The following KCNH4 variants were observed in gnomAD, a reference collection of about 807,000 sequenced individuals.
KCNH4 encodes voltage-gated delayed rectifier potassium channel KCNH4.
Under a neutral mutation model 90.7 loss-of-function variants are expected in KCNH4, and 33 were observed. That is an observed-to-expected ratio of 0.36 (90% CI 0.28 to 0.49). The LOEUF is 0.49. Ranked by LOEUF, KCNH4 falls within the 20% of genes least tolerant of loss-of-function variation. The pLI is 0.98. For synonymous variants in KCNH4, 551 were observed against 581.7 expected, an observed-to-expected ratio of 0.95 and a Z score of 0.76; for missense variants, 1,044 against 1,387.1, an observed-to-expected ratio of 0.75 and a Z score of 3.93.
At chr17:42,166,579 C>T in intron 9 of KCNH4, 33 bp from the exon 10 acceptor site, 1 of 1,585,206 alleles carries the variant, frequency 6.3e-7, no homozygotes, top group Non-Finnish European at 8.6e-7. Flanking sequence ...TCTGGCCATC[C>T]CCCTGCAGCT....
At position 42,171,951 on chromosome 17, in the gene KCNH4, C is replaced by T; in HGVS notation, c.1032G>A (p.Leu344=). The T allele has an allele frequency of 6.2e-7, 1 of 1,608,800 alleles. No homozygotes were observed. The highest frequency in any genetic ancestry group is 1.1e-5 in the South Asian group (1 of 90,704). ...HLLKTVRLLR[L]LRLLQKLERY... The stretch of plus-strand genomic sequence containing the variant: ...GCTCCAGCTTCTGCAGCAGCCGCAG[C>T]AGCCGCAACAGCCGCACTGTCTTCA... The change falls in exon 7 of 17, where the codon CTG becomes CTA. Residue 344 remains leucine (L), a synonymous_variant. Transcript: ENST00000264661.
In KCNH4 at chr17:42,163,599, G is replaced by A. The variant is rs748957727; in HGVS notation, c.2477+7C>T. On this transcript the variant is annotated splice_region_variant and intron_variant, in intron 13 of 16. Transcript: ENST00000264661. The surrounding 1 kb of genome is among the most constrained non-coding windows in gnomAD (Gnocchi z 5.4). Reference sequence around the variant, plus strand: ...TTTTGGGAAAGCAGGGGAGGCTGGCGTCTCACCGGGGACTGAGGTCCGGAG... The same window carrying A: ...TTTTGGGAAAGCAGGGGAGGCTGGCATCTCACCGGGGACTGAGGTCCGGAG... The A allele has an allele frequency of 2.7e-5, 35 of 1,310,106 alleles. No individual in the cohort carries two copies. The highest frequency in any genetic ancestry group is 3.7e-5 in the Non-Finnish European group (35 of 948,296). 81.2% of individuals were successfully genotyped at this position (1,310,106 alleles called of 1,614,324 possible). A position where few individuals can be genotyped will look rare whatever the true frequency, so the allele number is the denominator to read the frequency against.
Position 42,166,396 on chromosome 17 carries a change from C to T in KCNH4, c.1741G>A (p.Glu581Lys), listed in dbSNP as rs2079788062. The T allele has an allele frequency of 2.5e-6, 4 of 1,613,860 alleles. No individual in the cohort carries two copies. The highest frequency in any genetic ancestry group is 1.7e-5 in the Admixed American group (1 of 59,968). The change falls in exon 10 of 17, where the codon GAG becomes AAG. Residue 581 changes from glutamate to lysine, a missense_variant. By Grantham distance (56) the Glu-to-Lys change is moderately conservative (BLOSUM62 1). Coordinates refer to ENST00000264661, the MANE Select transcript of KCNH4 (RefSeq NM_012285.3). ...GCATCCCCACGGCGCAACAGGTACTCGCCCGGAGCGCAGAACGAGGTCTTG... is the reference window on the plus strand; with the variant it reads ...GCATCCCCACGGCGCAACAGGTACTTGCCCGGAGCGCAGAACGAGGTCTTG... ...HIKTSFCAPGEYLLRRGDALQ... is the reference protein window; with the variant it reads ...HIKTSFCAPGKYLLRRGDALQ...
chr17:42,175,498 G>C, intron 6 of KCNH4, 81 bp downstream of exon 6: 1 of 1,481,988 alleles, frequency 6.7e-7, no homozygotes, highest in South Asian at 1.1e-5. Context: ...GGCATATCTG[G>C]GTTTGGGGTC....
At chr17:42,179,103 G>A (rs2079884484) in intron 1 of KCNH4, 77 bp from the exon 2 acceptor site, 2 of 1,060,530 alleles carry the variant, frequency 1.9e-6, no homozygotes, top group Non-Finnish European at 2.8e-6. Flanking sequence ...CTTCCTCTAA[G>A]TTGGGGTTAG....
Position 42,163,838 on chromosome 17 carries a change from G to T in KCNH4, c.2245C>A (p.Leu749Ile), listed in dbSNP as rs2079766920. The T allele has an allele frequency of 4.6e-6, 7 of 1,513,936 alleles. No individual in the cohort carries two copies. In the East Asian group the frequency reaches 1.7e-4, roughly 37 times the overall value. 93.8% of individuals were successfully genotyped at this position (1,513,936 alleles called of 1,614,324 possible). Residue 749 changes from leucine (L) to isoleucine (I), a missense_variant, in exon 13 of 17, where the codon CTC (leucine) becomes ATC (isoleucine). By Grantham distance (5) the Leu-to-Ile change is conservative. Coordinates refer to ENST00000264661, the MANE Select transcript of KCNH4 (RefSeq NM_012285.3). The surrounding 1 kb of genome is among the most constrained non-coding windows in gnomAD (Gnocchi z 5.4). The stretch of plus-strand genomic sequence containing the variant: ...GAGCCCCGAGGCCGTGCTGGGCTGA[G>T]GTTGGGCAGCAGGAGGGGCCGTCGG... ...RPRRPLLLPN[L>I]SPARPRGSLV...
chr17:42,159,990 G>C lies in KCNH4; in HGVS notation c.*50C>G, dbSNP rs772142281. 1 of 1,429,486 alleles carries C rather than the reference G, an allele frequency of 7.0e-7. No individual in the cohort carries two copies. Among genetic ancestry groups the C allele is most frequent in the Non-Finnish European group, 9.3e-7 (1 of 1,077,878 alleles). 88.6% of individuals were successfully genotyped at this position (1,429,486 alleles called of 1,614,324 possible). On this transcript the variant is annotated 3_prime_UTR_variant, in exon 16 of 17. Transcript: ENST00000264661. ...GCCAAGGGGCCCAGGTCCTCCCTGAGTGGTGAGCGGCAGCGCCCACCCCAG... is the reference window on the plus strand; with the variant it reads ...GCCAAGGGGCCCAGGTCCTCCCTGACTGGTGAGCGGCAGCGCCCACCCCAG...
At chr17:42,174,147 G>A (rs930569570) in intron 6 of KCNH4, among the ~76,000 whole-genome samples, 1 of 152,140 alleles carries the variant, frequency 6.6e-6, no homozygotes, top group East Asian at 1.9e-4. Flanking sequence ...TAGTAGAGAA[G>A]GGGTTTCACC....
rs189647534 is a variant in KCNH4 at position 42,162,658 on chromosome 17, T to G, written c.2585-337A>C. Among the ~76,000 whole-genome samples the G allele has an allele frequency of 3.8e-3, 580 of 152,104 alleles. 2 individuals are homozygous for G. Among genetic ancestry groups the G allele is most frequent in the Non-Finnish European group, 6.9e-3 (470 of 67,972 alleles). ...CCCAGGGTGGAGTGCAGTGGTGTGC[T>G]CTCAGCTCACTGCAACCTCTGTCTC... On this transcript the variant is annotated intron_variant, in intron 14 of 16. Coordinates refer to ENST00000264661, the MANE Select transcript of KCNH4 (RefSeq NM_012285.3).
intron 4 of KCNH4, among the ~76,000 whole-genome samples, chr17:42,177,367 T>TC (rs1253652286): frequency 6.7e-6 from 1 of 150,234 alleles, no homozygotes; most frequent in Admixed American, 6.6e-5. Flanking sequence ...ATTTTTAATT[T>TC]TTTTTTTTTT....
At position 42,163,293 on chromosome 17, in the gene KCNH4, G is replaced by C; in HGVS notation, c.2519C>G (p.Ala840Gly). The change falls in exon 14 of 17, where the codon GCC (alanine) becomes GGC (glycine). Residue 840 changes from alanine (A) to glycine (G), a missense_variant. Around this residue, in one of 4 missense-constraint regions of KCNH4, gnomAD observed 441 missense variants for 512.3 expected, o/e 0.86. Transcript: ENST00000264661. This position sits in a 1 kb window ranked among gnomAD's most constrained non-coding sequence, Gnocchi z 5.4. ...GIEDSGSTAEAPSFRFSRRPE... is the reference protein window; with the variant it reads ...GIEDSGSTAEGPSFRFSRRPE... ...CCTCCTGCTGAATCGGAATGAAGGGGCCTCAGCTGTGCTGCCAGAGTCCTC... is the reference window on the plus strand; with the variant it reads ...CCTCCTGCTGAATCGGAATGAAGGGCCCTCAGCTGTGCTGCCAGAGTCCTC... 1 of 1,614,086 alleles carries C rather than the reference G, an allele frequency of 6.2e-7. No homozygotes were observed. Among genetic ancestry groups the C allele is most frequent in the Non-Finnish European group, 8.5e-7 (1 of 1,180,004 alleles).
At chr17:42,176,467 T>G (rs567696132) in intron 4 of KCNH4, among the ~76,000 whole-genome samples, 170 bp from the exon 5 acceptor site, 19 of 148,396 alleles carry the variant, frequency 1.3e-4, no homozygotes, top group Non-Finnish European at 2.7e-4. Context: ...GGCTGACACC[T>G]GACATTTTCT....
intron 9 of KCNH4, 104 bp downstream of exon 9, chr17:42,169,373 T>A: frequency 9.0e-7 from 1 of 1,105,078 alleles, no homozygotes; most frequent in Non-Finnish European, 1.3e-6. Context: ...AGCAGCCGAG[T>A]TCGGCCTGCC....
Position 42,160,429 on chromosome 17 carries a change from G to C in KCNH4, c.2665C>G (p.Arg889Gly). Residue 889 changes from arginine (R) to glycine (G), a missense_variant, in exon 16 of 17, where the codon CGT (arginine) becomes GGT (glycine). Around this residue, in one of 4 missense-constraint regions of KCNH4, gnomAD observed 441 missense variants for 512.3 expected, o/e 0.86. Transcript: ENST00000264661. ...AGCTGAGACACCTCCTGATTGAGAC[G>C]AGAGATCTGTTGAAAACACATCGAG... is the stretch of plus-strand genomic sequence containing the variant. Reference protein sequence around the residue: ...KVCRLNQEISRLNQEVSQLSR... With the variant: ...KVCRLNQEISGLNQEVSQLSR... The C allele has an allele frequency of 6.3e-7, 1 of 1,597,434 alleles. No individual in the cohort carries two copies.
intron 15 of KCNH4, 65 bp from the exon 16 acceptor site, chr17:42,160,500 C>A: frequency 6.7e-7 from 1 of 1,492,958 alleles, no homozygotes; most frequent in Non-Finnish European, 9.0e-7. Context: ...CCCCCCTCTC[C>A]AGTTTACAAA....
chr17:42,163,250 G>T lies in KCNH4; in HGVS notation c.2562C>A (p.Pro854=). The change falls in exon 14 of 17, where the codon CCC becomes CCA. Residue 854 remains proline (P), a synonymous_variant. Transcript: ENST00000264661. The surrounding 1 kb of genome is among the most constrained non-coding windows in gnomAD (Gnocchi z 5.4). ...TACCTGTAGGGGGCGCCTGGGAGCG[G>T]GGCCTTGGCAGTTCAGGCCTCCTGC... ...RFSRRPELPR[P]RSQAPPTGTR... 3.7e-6 allele frequency: 6 copies of T among 1,613,958 alleles called. No individual in the cohort carries two copies. Among genetic ancestry groups the T allele is most frequent in the Non-Finnish European group, 5.1e-6 (6 of 1,179,876 alleles).
Position 42,166,157 on chromosome 17 carries a change from G to A in KCNH4, c.1840+140C>T, listed in dbSNP as rs560219349. 330 of 1,081,016 alleles carry A rather than the reference G, an allele frequency of 3.1e-4. 3 individuals are homozygous for A. In the South Asian group the frequency reaches 4.8e-3, roughly 16 times the overall value. 67.0% of individuals were successfully genotyped at this position (1,081,016 alleles called of 1,614,324 possible). On this transcript the variant is annotated intron_variant, in intron 10 of 16. Transcript: ENST00000264661. ...GCGATGGTCGTAGGGCGGAGGGACC[G>A]AGAGAGTACTCCTCAGCAGGAACTG... is the stretch of plus-strand genomic sequence containing the variant.
rs996683637 is a variant in KCNH4 at position 42,157,115 on chromosome 17, C to G, written c.*313G>C. 2 of 152,202 alleles carry G rather than the reference C, an allele frequency of 1.3e-5. No homozygotes were observed. The highest frequency in any genetic ancestry group is 2.9e-5 in the Non-Finnish European group (2 of 68,046). 9.4% of individuals were successfully genotyped at this position (152,202 alleles called of 1,614,324 possible). A position where few individuals can be genotyped will look rare whatever the true frequency, so the allele number is the denominator to read the frequency against. ...CAGCAGAAGAGACCACCTTGAGAGA[C>G]AGCCTGCAGAGAGACAGAAACAGAG... is the stretch of plus-strand genomic sequence containing the variant. On this transcript the variant is annotated 3_prime_UTR_variant, in exon 17 of 17. Transcript: ENST00000264661.
intron 6 of KCNH4, among the ~76,000 whole-genome samples, chr17:42,174,657 A>G (rs578052010): frequency 1.3e-5 from 2 of 152,064 alleles, no homozygotes; most frequent in South Asian, 4.2e-4. Flanking sequence ...ACTGCTCCCC[A>G]CTTGCCCGCC....
Sources: allele counts gnomAD v4.1 joint callset (sites outside exome capture counted in the v4.1 genomes callset), GRCh38; gene constraint gnomAD v4.1.1; regional missense constraint gnomAD v4.1.1; non-coding constraint Gnocchi (gnomAD v3.1); transcripts MANE v1.5; gene names NCBI Gene and HGNC (gene_info 2026-07-23, HGNC 2026-07-21).